Variants in AGAP9 observed in about 807,000 individuals in gnomAD.
AGAP9 encodes the protein ArfGAP with GTPase domain, ankyrin repeat and PH domain 9, also known as arf-GAP with GTPase, ANK repeat and PH domain-containing protein 9.
A neutral mutation model predicts 55.6 loss-of-function variants in AGAP9; 23 were observed. The ratio of observed to expected loss-of-function variants is 0.41; its 90% CI spans 0.30 to 0.59. The LOEUF is 0.59. AGAP9 is among the 20% of genes least tolerant of loss of function. The pLI is 0.25. For missense variants in AGAP9, 309 were observed against 808.1 expected, an observed-to-expected ratio of 0.38 and a Z score of 7.49; for synonymous variants, 120 against 305.0, an observed-to-expected ratio of 0.39 and a Z score of 6.32.
chr10:47,519,482 A>C (rs1278915106), intron 3 of AGAP9, among the ~76,000 whole-genome samples: 1 of 127,612 alleles, frequency 7.8e-6, no homozygotes, highest in Non-Finnish European at 1.6e-5. Flanking sequence ...AAAAAAAAAA[A>C]AAAGAGTGTG....
At position 47,502,764 on chromosome 10, in the gene AGAP9, C is replaced by T. The variant is rs1840381701; in HGVS notation, c.1365G>A (p.Lys455=). Reference sequence around the variant, plus strand: ...CCTCACTCTGGCTGGTCAGCTGGGACTTGCTTTTACTGCTCTTGCATGACT... The same window carrying T: ...CCTCACTCTGGCTGGTCAGCTGGGATTTGCTTTTACTGCTCTTGCATGACT... ...SLQSCKSSKS[K]SQLTSQSEAM... Residue 455 remains lysine, a synonymous_variant, in exon 8 of 8, where the codon AAG becomes AAA. Coordinates refer to ENST00000452145, the MANE Select transcript of AGAP9 (RefSeq NM_001190810.1). 7.6e-6 allele frequency: 12 copies of T among 1,583,600 alleles called. No individual in the cohort carries two copies. The highest frequency in any genetic ancestry group is 1.4e-5 in the African/African-American group (1 of 73,370).
intron 3 of AGAP9, among the ~76,000 whole-genome samples, chr10:47,519,534 A>C: frequency 1.0e-5 from 1 of 100,290 alleles, no homozygotes. Context: ...GTGTGGAACC[A>C]CCTGCTTCCC....
chr10:47,502,571 C>A lies in AGAP9; in HGVS notation c.1558G>T (p.Glu520Ter), dbSNP rs1840376720. Residue 520 changes from glutamate (E) to a stop codon, truncating the protein, a stop_gained, in exon 8 of 8, where the codon GAG becomes TAG. Coordinates refer to ENST00000452145, the MANE Select transcript of AGAP9 (RefSeq NM_001190810.1). LOFTEE classifies it high-confidence loss of function. ...AGCTCAACTGGCCAGTCATCCAGCT[C>A]CAGAGATCGCACACGGGAAAGGCGG... ...GTRLSRVRSL[E>*]LDDWPVELRK... 1 of 1,610,438 alleles carries A rather than the reference C, an allele frequency of 6.2e-7. No homozygotes were observed. Among genetic ancestry groups the A allele is most frequent in the Non-Finnish European group, 8.5e-7 (1 of 1,179,384 alleles).
At chr10:47,521,892 C>T (rs3006325) in intron 2 of AGAP9, among the ~76,000 whole-genome samples, 843 of 122,220 alleles carry the variant, frequency 6.9e-3, no homozygotes, top group African/African-American at 9.7e-3. Flanking sequence ...GCAATTCTCC[C>T]GCCTCAGCCT....
chr10:47,513,214 T>C (rs1345462311), intron 4 of AGAP9, among the ~76,000 whole-genome samples: 3 of 149,238 alleles, frequency 2.0e-5, no homozygotes, highest in Admixed American at 6.8e-5. Context: ...TTTGTATTTT[T>C]AGTAGAGATG....
Position 47,502,244 on chromosome 10 carries a change from G to A in AGAP9, c.1885C>T (p.His629Tyr). ...ACATTCCCCTTGCGGCAGGCCAGAT[G>A]GAGTGCCGTGCAGCCGTCTCCCTCC... is the stretch of plus-strand genomic sequence containing the variant. ...CGEGDGCTAL[H>Y]LACRKGNVVL... Residue 629 changes from histidine to tyrosine, a missense_variant, in exon 8 of 8, where the codon CAT becomes TAT. Coordinates refer to ENST00000452145, the MANE Select transcript of AGAP9 (RefSeq NM_001190810.1). The A allele has an allele frequency of 6.3e-7, 1 of 1,592,278 alleles. No individual in the cohort carries two copies. The highest frequency in any genetic ancestry group is 8.5e-7 in the Non-Finnish European group (1 of 1,173,604).
chr10:47,502,418 A>G lies in AGAP9; in HGVS notation c.1711T>C (p.Tyr571His). 6.2e-7 allele frequency: 1 copy of G among 1,610,832 alleles called. No individual in the cohort carries two copies. The highest frequency in any genetic ancestry group is 1.7e-5 in the Admixed American group (1 of 59,830). The change falls in exon 8 of 8, where the codon TAT (tyrosine) becomes CAT (histidine). Residue 571 changes from tyrosine (Y) to histidine (H), a missense_variant. By Grantham distance (83) the Tyr-to-His change is moderately conservative. Coordinates refer to ENST00000452145, the MANE Select transcript of AGAP9 (RefSeq NM_001190810.1). ...GGGGCCAGAAAGAGCTTCTCCTCAT[A>G]TTTGGAACGGATCCACCATTCCTTC... Reference protein sequence around the residue: ...EEKEWWIRSKYEEKLFLAPLP... With the variant: ...EEKEWWIRSKHEEKLFLAPLP...
intron 4 of AGAP9, among the ~76,000 whole-genome samples, chr10:47,510,913 TCTA>T: frequency 1.5e-5 from 2 of 132,936 alleles, no homozygotes; most frequent in African/African-American, 5.6e-5. Context: ...GCCAAGAATT[TCTA>T]TTAATTAATT....
chr10:47,511,411 T>C lies in AGAP9; in HGVS notation c.397-1140A>G, dbSNP rs1476257508. 7.3e-5 allele frequency among the ~76,000 whole-genome samples: 10 copies of C among 137,010 alleles called. 1 individual carries two copies. The highest frequency in any genetic ancestry group is 2.4e-4 in the African/African-American group (9 of 36,894). 89.9% of individuals were successfully genotyped at this position (137,010 alleles called of 152,430 possible). A position where few individuals can be genotyped will look rare whatever the true frequency, so the allele number is the denominator to read the frequency against. ...AGAAGTGTTTCAGATTCAGGGGCTC[T>C]GTGTGCCAGGGCTGCTAGGCCACCA... On this transcript the variant is annotated intron_variant, in intron 4 of 7. Transcript: ENST00000452145.
chr10:47,519,175 G>A (rs74559909), intron 3 of AGAP9, among the ~76,000 whole-genome samples: 8 of 135,616 alleles, frequency 5.9e-5, no homozygotes, highest in Admixed American at 1.5e-4. Context: ...AATTTAAAAG[G>A]CTGTGGTACT....
rs1331070324 is a variant in AGAP9 at position 47,510,190 on chromosome 10, G to A, written c.478C>T (p.Leu160Phe). The A allele has an allele frequency of 4.1e-5, 57 of 1,398,992 alleles. 7 individuals are homozygous for A. The highest frequency in any genetic ancestry group is 3.1e-4 in the Admixed American group (15 of 47,786). 86.7% of individuals were successfully genotyped at this position (1,398,992 alleles called of 1,614,324 possible). A position where few individuals can be genotyped will look rare whatever the true frequency, so the allele number is the denominator to read the frequency against. ...ACTCACGATATTATTGTCATTGTAA[G>A]ATAATGCTGGATGGCTGTGCTGTCA... ...LDDSTAIQHY[L>F]TMTIISVTLE... is the part of the protein sequence containing the mutation. The change falls in exon 5 of 8, where the codon CTT (leucine) becomes TTT (phenylalanine). Residue 160 changes from leucine to phenylalanine, a missense_variant. Leu to Phe is a conservative substitution (Grantham distance 22). Transcript: ENST00000452145.
At chr10:47,510,700 G>C in intron 4 of AGAP9, among the ~76,000 whole-genome samples, 1 of 118,224 alleles carries the variant, frequency 8.5e-6, no homozygotes, top group Non-Finnish European at 1.7e-5. Flanking sequence ...CGTGGTAGCA[G>C]GCCCCTGTAG....
chr10:47,519,070 C>T (rs1209320368), intron 3 of AGAP9, among the ~76,000 whole-genome samples: 42 of 135,566 alleles, frequency 3.1e-4, no homozygotes, highest in South Asian at 4.6e-4. Context: ...ATGTTGGAGA[C>T]AGGGCCTAGT....
intron 4 of AGAP9, among the ~76,000 whole-genome samples, chr10:47,513,126 C>T (rs1169374916): frequency 1.3e-5 from 2 of 148,320 alleles, no homozygotes; most frequent in East Asian, 2.3e-4. Context: ...CCTCTGCCTC[C>T]GAGGTTCAAG....
chr10:47,513,744 C>A (rs1840676570), intron 4 of AGAP9, among the ~76,000 whole-genome samples: 1 of 138,604 alleles, frequency 7.2e-6, no homozygotes, highest in Admixed American at 7.5e-5. Context: ...ATACCTATAG[C>A]CAACTGATTT....
At chr10:47,521,926 A>G (rs1240339146) in intron 2 of AGAP9, among the ~76,000 whole-genome samples, 1 of 149,972 alleles carries the variant, frequency 6.7e-6, no homozygotes, top group Non-Finnish European at 1.5e-5. Context: ...AACTACAGTC[A>G]TGCGCCACTA....
intron 4 of AGAP9, among the ~76,000 whole-genome samples, chr10:47,516,645 A>G (rs1348028933): frequency 7.3e-6 from 1 of 137,598 alleles, no homozygotes; most frequent in Non-Finnish European, 1.5e-5. Flanking sequence ...GACATTGAGC[A>G]TATCTAGGGA....
intron 4 of AGAP9, among the ~76,000 whole-genome samples, chr10:47,510,928 A>AT (rs2132484378): frequency 9.8e-5 from 13 of 132,802 alleles, no homozygotes; most frequent in South Asian, 2.4e-4. Context: ...TAATTAATTA[A>AT]TTAATTAATT....
chr10:47,521,656 A>G (rs1434654274), intron 2 of AGAP9, among the ~76,000 whole-genome samples: 1 of 147,894 alleles, frequency 6.8e-6, no homozygotes, highest in Non-Finnish European at 1.5e-5. Flanking sequence ...ATTACCCAGA[A>G]TTACTTTTAC....
Sources: gnomAD v4.1 joint callset for allele counts (sites outside exome capture counted in the v4.1 genomes callset) on GRCh38, gnomAD v4.1.1 for gene constraint, MANE v1.5 for transcripts, NCBI Gene and HGNC (gene_info 2026-07-23, HGNC 2026-07-21) for gene names.